FGD4: variants seen among roughly 807,000 people sequenced by gnomAD.
The protein encoded by FGD4 is FYVE, RhoGEF and PH domain containing 4.
FGD4 carries 42 observed loss-of-function variants against 102.0 expected under a neutral mutation model. The observed-to-expected ratio is 0.41, with a 90% CI of 0.32 to 0.53. The LOEUF is 0.53. FGD4 is among the 20% of genes least tolerant of loss of function. The probability of loss-of-function intolerance (pLI) is 0.21; values close to 1 mark genes in which losing one functional copy is unlikely to be tolerated. For missense variants in FGD4, 902 were observed against 1,078.2 expected (o/e 0.84, Z 2.29); for synonymous variants, 380 against 375.7 (o/e 1.01, Z -0.13).
chr12:32,441,388 C>T (rs1464358985), intron 1 of FGD4, among the ~76,000 whole-genome samples: 1 of 151,972 alleles, frequency 6.6e-6, no homozygotes, highest in East Asian at 1.9e-4. Context: ...TGGGTCCTTT[C>T]CTTCAAGGCA....
At chr12:32,430,970 G>A (rs1412481955) in intron 1 of FGD4, among the ~76,000 whole-genome samples, 1 of 152,222 alleles carries the variant, frequency 6.6e-6, no homozygotes, top group African/African-American at 2.4e-5. Flanking sequence ...GGTAGTCATT[G>A]TTCTGAAGTC....
At chr12:32,626,883 T>C (rs1218633790) in intron 14 of FGD4, among the ~76,000 whole-genome samples, 2 of 152,196 alleles carry the variant, frequency 1.3e-5, no homozygotes, top group Non-Finnish European at 2.9e-5. Flanking sequence ...GTTTTGCTCT[T>C]GTTGCCCAGG....
chr12:32,621,276 A>C lies in FGD4; in HGVS notation c.1922+1406A>C, dbSNP rs145736442. ...GCACTCCAGCCTGGGCAACAGAGCG[A>C]GACTCTGTCTCAAAAAATAATAACA... On this transcript the variant is annotated intron_variant, in intron 11 of 16. Coordinates refer to ENST00000534526, the MANE Select transcript of FGD4 (RefSeq NM_001370298.3). 7.9e-5 allele frequency among the ~76,000 whole-genome samples: 12 copies of C among 152,232 alleles called. No homozygotes were observed. The East Asian group carries it at 2.0e-3, about 25-fold the overall frequency.
At chr12:32,406,796 G>A (rs1940950960) in intron 1 of FGD4, among the ~76,000 whole-genome samples, 1 of 151,900 alleles carries the variant, frequency 6.6e-6, no homozygotes. Flanking sequence ...GGTTAGAGAA[G>A]CTGTTTTTTT....
intron 2 of FGD4, among the ~76,000 whole-genome samples, chr12:32,570,027 G>A (rs1945511045): frequency 6.6e-6 from 1 of 152,014 alleles, no homozygotes; most frequent in South Asian, 2.1e-4. Flanking sequence ...CGGATCACGA[G>A]GTCAGGAGTT....
chr12:32,640,290 G>A lies in FGD4; in HGVS notation c.2469G>A (p.Gln823=). 2 of 1,614,196 alleles carry A rather than the reference G, an allele frequency of 1.2e-6. No homozygotes were observed. The highest frequency in any genetic ancestry group is 8.5e-7 in the Non-Finnish European group (1 of 1,180,026). Residue 823 remains glutamine, a synonymous_variant, in exon 17 of 17, where the codon CAG becomes CAA. Transcript: ENST00000534526. The part of the protein sequence containing the change: ...MYGAPQDVRA[Q]ATIPLLGYVV... ...CTTTTCTTTAGGACGTCAGAGCCCA[G>A]GCCACCATTCCACTTCTGGGCTATG...
At chr12:32,411,663 G>A (rs1321793199) in intron 1 of FGD4, among the ~76,000 whole-genome samples, 1 of 152,020 alleles carries the variant, frequency 6.6e-6, no homozygotes, top group Non-Finnish European at 1.5e-5. Flanking sequence ...AGTACAATGC[G>A]GTATAAAAAT....
chr12:32,472,118 A>G (rs1356239031), intron 1 of FGD4, among the ~76,000 whole-genome samples: 1 of 152,188 alleles, frequency 6.6e-6, no homozygotes, highest in Non-Finnish European at 1.5e-5. Flanking sequence ...GTGAGAGGTG[A>G]CAGTGTGCTG....
At chr12:32,567,267 A>G (rs1217399595) in intron 2 of FGD4, among the ~76,000 whole-genome samples, 3 of 152,052 alleles carry the variant, frequency 2.0e-5, no homozygotes, top group South Asian at 2.1e-4. Context: ...TCTACCTACA[A>G]CTGTCTTGGT....
At chr12:32,483,509 C>T (rs975207117) in intron 1 of FGD4, among the ~76,000 whole-genome samples, 1 of 152,114 alleles carries the variant, frequency 6.6e-6, no homozygotes, top group African/African-American at 2.4e-5. Context: ...TTTCTTTGCC[C>T]TCCAAACTGC....
intron 1 of FGD4, among the ~76,000 whole-genome samples, chr12:32,482,318 TG>T (rs1179559765): frequency 1.3e-5 from 2 of 152,234 alleles, no homozygotes; most frequent in Non-Finnish European, 2.9e-5. Context: ...AGAGAAATTC[TG>T]GCATGAAAAG....
rs140227421 is a variant in FGD4, at chr12:32,585,222, T to TTATATATATATATATATA, written c.1011+2773_1011+2790dup. ...AGAGTGAGACCCTGTCTCAAAAATTTTATATATATATATATATATATATAT... is the reference window on the plus strand; with the variant it reads ...AGAGTGAGACCCTGTCTCAAAAATTTTATATATATATATATATATATATATATATATATATATATATAT... On this transcript the variant is annotated intron_variant, in intron 4 of 16. Coordinates refer to ENST00000534526, the MANE Select transcript of FGD4 (RefSeq NM_001370298.3). 2.0e-3 allele frequency among the ~76,000 whole-genome samples: 237 copies of TTATATATATATATATATA among 116,048 alleles called. 1 individual carries two copies. Among genetic ancestry groups the TTATATATATATATATATA allele is most frequent in the Non-Finnish European group, 2.6e-3 (145 of 54,870 alleles). The allele number at this position is 116,048 out of a possible 152,430, so 76.1% of individuals were successfully genotyped here.
intron 1 of FGD4, among the ~76,000 whole-genome samples, chr12:32,526,715 C>T (rs1025640752): frequency 6.6e-6 from 1 of 152,194 alleles, no homozygotes; most frequent in Non-Finnish European, 1.5e-5. Context: ...TGGGTCCATG[C>T]TGCTTTTATG....
chr12:32,518,960 C>G (rs1027013640), intron 1 of FGD4, among the ~76,000 whole-genome samples: 10 of 151,418 alleles, frequency 6.6e-5, no homozygotes, highest in African/African-American at 1.7e-4. Flanking sequence ...ACTAAAAATA[C>G]AAAAATTAGC....
intron 1 of FGD4, among the ~76,000 whole-genome samples, chr12:32,520,434 T>G (rs1049965455): frequency 1.6e-4 from 14 of 85,704 alleles, no homozygotes; most frequent in African/African-American, 5.2e-4. Context: ...GGTTTTTTTG[T>G]TTTTTGTTTT....
intron 5 of FGD4, chr12:32,600,585 TTTCTTTC>T (rs907008871): frequency 3.2e-5 from 10 of 313,826 alleles, no homozygotes; most frequent in Admixed American, 1.2e-4. Context: ...TCTTTCTTTC[TTTCTTTC>T]TTTTTTTTTT....
At chr12:32,584,384 T>C (rs1384059558) in intron 4 of FGD4, among the ~76,000 whole-genome samples, 1 of 152,196 alleles carries the variant, frequency 6.6e-6, no homozygotes, top group Non-Finnish European at 1.5e-5. Context: ...ATTAGGTATA[T>C]TTTACCACAA....
chr12:32,472,663 G>A (rs1476146673), intron 1 of FGD4, among the ~76,000 whole-genome samples: 1 of 152,222 alleles, frequency 6.6e-6, no homozygotes, highest in Non-Finnish European at 1.5e-5. Flanking sequence ...TCACCCAAGG[G>A]CTGAGGAATG....
intron 1 of FGD4, among the ~76,000 whole-genome samples, chr12:32,401,105 G>A (rs753076269): frequency 9.9e-5 from 15 of 152,220 alleles, no homozygotes; most frequent in Admixed American, 2.0e-4. Flanking sequence ...AGTCTTAGGT[G>A]TGATTCACTC....
Sources: allele counts gnomAD v4.1 joint callset (sites outside exome capture counted in the v4.1 genomes callset), GRCh38; gene constraint gnomAD v4.1.1; transcripts MANE v1.5; gene names NCBI Gene and HGNC (gene_info 2026-07-23, HGNC 2026-07-21).